Variants in TP53BP2 observed in about 807,000 individuals in gnomAD.
TP53BP2 encodes the protein tumor protein p53 binding protein 2, also known as apoptosis-stimulating of p53 protein 2.
In TP53BP2, 62 loss-of-function variants were observed where a neutral mutation model predicts 126.2. That is an observed-to-expected ratio of 0.49 (90% CI 0.40 to 0.61). The LOEUF is 0.61. TP53BP2 is among the 20% of genes least tolerant of loss of function. TP53BP2 has a pLI of 0.00. For missense variants in TP53BP2, 1,215 were observed against 1,402.8 expected (o/e 0.87, Z 2.14); for synonymous variants, 485 against 502.9 (o/e 0.96, Z 0.48).
rs777973162 is a variant in TP53BP2, at chr1:223,798,570, C to T, written c.1593G>A (p.Lys531=). 3.7e-6 allele frequency: 6 copies of T among 1,614,012 alleles called. No individual in the cohort carries two copies. The highest frequency in any genetic ancestry group is 1.3e-5 in the African/African-American group (1 of 74,898). ...GQTNQPPSDI[K]PDGSSQQLST... ...ACAACTGCTGAGAACTTCCGTCTGG[C>T]TTAATGTCTGAAGGTGGCTGATTAG... Residue 531 remains lysine, a synonymous_variant, in exon 12 of 18, where the codon AAG becomes AAA. Transcript: ENST00000343537.
chr1:223,833,461 T>C (rs1303432760), intron 1 of TP53BP2, among the ~76,000 whole-genome samples: 1 of 152,180 alleles, frequency 6.6e-6, no homozygotes, highest in Non-Finnish European at 1.5e-5. Context: ...ATCCTGACCA[T>C]CCATTCAATA....
At chr1:223,802,622 C>A in intron 8 of TP53BP2, 109 bp downstream of exon 8, 1 of 1,329,870 alleles carries the variant, frequency 7.5e-7, no homozygotes, top group South Asian at 1.4e-5. Context: ...CATCTGTTTT[C>A]TGAGGGCACA....
rs558039131 is a variant in TP53BP2 at position 223,803,472 on chromosome 1, G to C, written c.650-20C>G. The C allele has an allele frequency of 1.9e-6, 3 of 1,568,144 alleles. No homozygotes were observed. The African/African-American group carries it at 4.1e-5, about 21-fold the overall frequency. On this transcript the variant is annotated intron_variant, in intron 6 of 17. Transcript: ENST00000343537. ...CCTCCACTAGATGAGACAGAGAACA[G>C]CAACAACAGTTGAAAAGAAAAATAA...
At chr1:223,845,285 C>G in intron 1 of TP53BP2, 8 of 983,652 alleles carry the variant, frequency 8.1e-6, no homozygotes, top group Non-Finnish European at 9.7e-6. Context: ...AAAGACACAG[C>G]AAAGAACAAG....
Position 223,799,999 on chromosome 1 carries a change from G to C in TP53BP2, c.1385C>G (p.Pro462Arg), listed in dbSNP as rs774631779. The C allele has an allele frequency of 1.2e-6, 2 of 1,612,008 alleles. No individual in the cohort carries two copies. Among genetic ancestry groups the C allele is most frequent in the Non-Finnish European group, 1.7e-6 (2 of 1,179,374 alleles). ...PLREKEKKVR[P>R]FSMFDAVDQS... is the part of the protein sequence containing the mutation. ...GTCTACTGCATCAAACATTGAGAAC[G>C]GACGCACTTTCTTCTCTTTCTCCCT... Residue 462 changes from proline to arginine, a missense_variant, in exon 11 of 18, where the codon CCG (proline) becomes CGG (arginine). Coordinates refer to ENST00000343537, the MANE Select transcript of TP53BP2 (RefSeq NM_001031685.3).
At chr1:223,800,632 A>C in intron 10 of TP53BP2, 68 bp downstream of exon 10, 1 of 1,154,870 alleles carries the variant, frequency 8.7e-7, no homozygotes, top group Non-Finnish European at 1.2e-6. Context: ...TGGACTCTCT[A>C]AAAGAATACA....
intron 3 of TP53BP2, among the ~76,000 whole-genome samples, chr1:223,812,055 C>A: frequency 3.5e-5 from 5 of 142,534 alleles, no homozygotes; most frequent in Admixed American, 7.0e-5. Context: ...ATGCAAATGC[C>A]AATATAAAAC....
At chr1:223,841,794 G>T (rs910928508) in intron 1 of TP53BP2, among the ~76,000 whole-genome samples, 16 of 152,012 alleles carry the variant, frequency 1.1e-4, no homozygotes, top group Admixed American at 6.5e-5. Flanking sequence ...GCAGCATCAT[G>T]AAATAACTAG....
intron 16 of TP53BP2, among the ~76,000 whole-genome samples, chr1:223,787,365 A>G (rs1662005755): frequency 1.3e-5 from 2 of 151,590 alleles, no homozygotes; most frequent in South Asian, 4.1e-4. Context: ...AAAACAAAAT[A>G]CATACATAAA....
chr1:223,839,746 A>G (rs1664047374), intron 1 of TP53BP2, among the ~76,000 whole-genome samples: 1 of 152,174 alleles, frequency 6.6e-6, no homozygotes, highest in Non-Finnish European at 1.5e-5. Flanking sequence ...CCTGGCCAAC[A>G]TGGTGAAACT....
chr1:223,809,749 G>A (rs114701299), intron 4 of TP53BP2, among the ~76,000 whole-genome samples: 1,591 of 152,160 alleles, frequency 0.01, 37 homozygotes, highest in African/African-American at 0.037. Flanking sequence ...AATAGTGACC[G>A]CTGAAAAGAA....
At chr1:223,801,977 A>G in intron 9 of TP53BP2, 139 bp downstream of exon 9, 1 of 841,988 alleles carries the variant, frequency 1.2e-6, no homozygotes, top group South Asian at 1.9e-5. Flanking sequence ...TAAACGTCTC[A>G]TTACACCAGC....
Position 223,793,378 on chromosome 1 carries a change from T to C in TP53BP2, c.2787A>G (p.Lys929=). Residue 929 remains lysine (K), a synonymous_variant, in exon 14 of 18, where the codon AAA becomes AAG. Coordinates refer to ENST00000343537, the MANE Select transcript of TP53BP2 (RefSeq NM_001031685.3). ...SERIAHGMRV[K]FNPLALLLDS... is the part of the protein sequence containing the mutation. Reference sequence around the variant, plus strand: ...CTAGCAGTAAAGCAAGGGGGTTGAATTTCACCCTCATTCCATGAGCGATAC... The same window carrying C: ...CTAGCAGTAAAGCAAGGGGGTTGAACTTCACCCTCATTCCATGAGCGATAC... 1 of 1,611,832 alleles carries C rather than the reference T, an allele frequency of 6.2e-7. No individual in the cohort carries two copies. Among genetic ancestry groups the C allele is most frequent in the South Asian group, 1.1e-5 (1 of 90,402 alleles).
At chr1:223,803,056 C>A (rs1662584215) in intron 7 of TP53BP2, 161 bp from the exon 8 acceptor site, 1 of 888,474 alleles carries the variant, frequency 1.1e-6, no homozygotes. Context: ...GACACCTGTG[C>A]AAGACCACCA....
chr1:223,819,579 G>C (rs772817651), intron 2 of TP53BP2, among the ~76,000 whole-genome samples: 3 of 151,876 alleles, frequency 2.0e-5, no homozygotes, highest in Non-Finnish European at 2.9e-5. Context: ...CCAGCTACTC[G>C]GGAGGCTGAG....
chr1:223,841,323 A>G (rs1246385739), intron 1 of TP53BP2, among the ~76,000 whole-genome samples: 1 of 152,256 alleles, frequency 6.6e-6, no homozygotes, highest in East Asian at 1.9e-4. Context: ...ACAGCCTTTG[A>G]TAACTGTAAT....
chr1:223,828,676 C>T (rs1018379505), intron 1 of TP53BP2, among the ~76,000 whole-genome samples: 11 of 152,176 alleles, frequency 7.2e-5, no homozygotes, highest in South Asian at 4.1e-4. Flanking sequence ...TACTGATACA[C>T]GCTACCGCAC....
At chr1:223,844,863 G>A (rs985963846) in intron 1 of TP53BP2, among the ~76,000 whole-genome samples, 1 of 152,246 alleles carries the variant, frequency 6.6e-6, no homozygotes, top group African/African-American at 2.4e-5. Flanking sequence ...TTCAGTGGGA[G>A]AGGTGCAAAT....
At position 223,845,704 on chromosome 1, in the gene TP53BP2, C is replaced by T. The variant is rs1165585249; in HGVS notation, c.-24G>A. The T allele has an allele frequency of 1.3e-6, 2 of 1,534,308 alleles. No homozygotes were observed. The highest frequency in any genetic ancestry group is 2.7e-5 in the East Asian group (1 of 37,194). On this transcript the variant is annotated 5_prime_UTR_variant, in exon 1 of 18. Transcript: ENST00000343537. ...ATGGAAGCGGGTGGCCAGACTGCGG[C>T]CCCGGCCGAGCTGAGGTGCCCCGGA...
Sources: allele counts gnomAD v4.1 joint callset (sites outside exome capture counted in the v4.1 genomes callset), GRCh38; gene constraint gnomAD v4.1.1; transcripts MANE v1.5; gene names NCBI Gene and HGNC (gene_info 2026-07-23, HGNC 2026-07-21).